Variants in EIPR1 observed in about 807,000 individuals in gnomAD.
EIPR1 encodes EARP complex and GARP complex interacting protein 1, also known as EARP and GARP complex-interacting protein 1.
In EIPR1, 25 loss-of-function variants were observed where a neutral mutation model predicts 48.1. The observed-to-expected ratio is 0.52, with a 90% confidence interval of 0.38 to 0.73. EIPR1 has a LOEUF of 0.73. Among genes scored for constraint, EIPR1 ranks in the 30% least tolerant of loss-of-function variants. EIPR1 has a pLI of 0.00. For synonymous variants in EIPR1, 204 were observed against 201.9 expected (o/e 1.01, Z -0.09); for missense variants, 415 against 506.2 (o/e 0.82, Z 1.73).
At chr2:3,200,888 G>A (rs556587465) in intron 5 of EIPR1, among the ~76,000 whole-genome samples, 19 of 152,242 alleles carry the variant, frequency 1.2e-4, no homozygotes, top group African/African-American at 3.6e-4. Flanking sequence ...CAGAGTGACC[G>A]AACCAGAAAG....
At chr2:3,367,093 T>C (rs185896764) in intron 1 of EIPR1, among the ~76,000 whole-genome samples, 199 of 140,058 alleles carry the variant, frequency 1.4e-3, no homozygotes, top group African/African-American at 4.9e-3. Flanking sequence ...GAAAATAAAT[T>C]CAACTGATGA....
intron 4 of EIPR1, among the ~76,000 whole-genome samples, chr2:3,218,703 G>T (rs542193967): frequency 6.7e-6 from 1 of 149,374 alleles, no homozygotes; most frequent in Non-Finnish European, 1.5e-5. Flanking sequence ...CACCCAACAC[G>T]GCCCTGATAC....
intron 3 of EIPR1, among the ~76,000 whole-genome samples, chr2:3,305,866 C>T (rs1393234074): frequency 6.6e-6 from 1 of 152,174 alleles, no homozygotes; most frequent in East Asian, 1.9e-4. Context: ...TTCATAGGCT[C>T]TGTTCTCCTT....
chr2:3,287,470 C>T (rs34094640), intron 3 of EIPR1, among the ~76,000 whole-genome samples: 2 of 149,738 alleles, frequency 1.3e-5, no homozygotes, highest in African/African-American at 5.0e-5. Context: ...CTCCAGAAAG[C>T]TCGTTCACCA....
At chr2:3,287,231 CAATCCA>C (rs1668216058) in intron 3 of EIPR1, among the ~76,000 whole-genome samples, 2 of 75,046 alleles carry the variant, frequency 2.7e-5, no homozygotes, top group Admixed American at 1.2e-4. Flanking sequence ...TCGTTCACCA[CAATCCA>C]GAAAGCTCGT....
intron 1 of EIPR1, among the ~76,000 whole-genome samples, chr2:3,365,980 C>T (rs112684026): frequency 1.4e-4 from 6 of 43,414 alleles, no homozygotes; most frequent in African/African-American, 3.1e-4. Context: ...GTCAGCCCCC[C>T]GCCCGGCCAG....
At chr2:3,252,607 AC>A (rs1667035115) in intron 4 of EIPR1, among the ~76,000 whole-genome samples, 1 of 152,100 alleles carries the variant, frequency 6.6e-6, no homozygotes, top group Admixed American at 6.6e-5. Flanking sequence ...AAAAACAAAA[AC>A]AAAAAATTGG....
chr2:3,269,599 A>AGTC (rs1553291883), intron 3 of EIPR1, among the ~76,000 whole-genome samples: 6 of 47,254 alleles, frequency 1.3e-4, no homozygotes, highest in South Asian at 2.4e-3. Flanking sequence ...CATCGCACTC[A>AGTC]ATCGCACTCA....
intron 4 of EIPR1, among the ~76,000 whole-genome samples, chr2:3,216,019 C>T (rs1665618709): frequency 6.6e-6 from 1 of 152,222 alleles, no homozygotes; most frequent in Non-Finnish European, 1.5e-5. Context: ...CCCACTGCTC[C>T]TGTCCAGTTA....
At chr2:3,303,431 G>A (rs1312792619) in intron 3 of EIPR1, among the ~76,000 whole-genome samples, 3 of 152,118 alleles carry the variant, frequency 2.0e-5, no homozygotes, top group East Asian at 1.9e-4. Context: ...GCCAGGGACC[G>A]ACCACCACCT....
intron 4 of EIPR1, among the ~76,000 whole-genome samples, chr2:3,242,536 C>T (rs1666669290): frequency 6.7e-6 from 1 of 150,368 alleles, no homozygotes; most frequent in African/African-American, 2.4e-5. Context: ...GGCTGGAAGA[C>T]AGAGATTTCA....
intron 3 of EIPR1, among the ~76,000 whole-genome samples, chr2:3,332,513 C>G (rs1294666121): frequency 6.6e-6 from 1 of 152,208 alleles, no homozygotes; most frequent in Admixed American, 6.5e-5. Context: ...GGCCTGCGTC[C>G]TCCTCGGAGG....
In EIPR1 at chr2:3,227,831, T is replaced by G. The variant is rs183005743; in HGVS notation, c.417-13583A>C. Among the ~76,000 whole-genome samples the G allele has an allele frequency of 3.1e-3, 473 of 152,346 alleles. 4 individuals are homozygous for G. Among genetic ancestry groups the G allele is most frequent in the Middle Eastern group, 0.017 (5 of 294 alleles). Reference sequence around the variant, plus strand: ...CCAAGGTATAGCTCAGGCCATTGCTTCAGAGGGTATAAGCCCCAAGCCTTG... The same window carrying G: ...CCAAGGTATAGCTCAGGCCATTGCTGCAGAGGGTATAAGCCCCAAGCCTTG... On this transcript the variant is annotated intron_variant, in intron 4 of 8. Coordinates refer to ENST00000382125, the MANE Select transcript of EIPR1 (RefSeq NM_003310.5).
At chr2:3,348,603 G>A (rs1327507487) in intron 2 of EIPR1, among the ~76,000 whole-genome samples, 1 of 152,214 alleles carries the variant, frequency 6.6e-6, no homozygotes, top group African/African-American at 2.4e-5. Flanking sequence ...TGTCCCACAG[G>A]AGGAAACAGA....
intron 4 of EIPR1, among the ~76,000 whole-genome samples, chr2:3,232,680 C>T (rs1344949163): frequency 2.0e-5 from 3 of 152,194 alleles, no homozygotes; most frequent in African/African-American, 7.2e-5. Context: ...GCATCACACT[C>T]ACTCTCCTCT....
chr2:3,327,488 C>T (rs4854119), intron 3 of EIPR1, among the ~76,000 whole-genome samples: 73,893 of 152,038 alleles, frequency 0.49, 20,148 homozygotes, highest in East Asian at 0.81. Context: ...TGGCCCTTTT[C>T]CATTTTTAAA....
chr2:3,362,164 A>G (rs4854181), intron 1 of EIPR1, among the ~76,000 whole-genome samples: 24,614 of 151,900 alleles, frequency 0.16, 2,222 homozygotes, highest in Non-Finnish European at 0.21. Context: ...CCCCAGTCCC[A>G]CCAGCCCCTT....
At chr2:3,199,349 T>C (rs914851096) in intron 5 of EIPR1, among the ~76,000 whole-genome samples, 2 of 152,120 alleles carry the variant, frequency 1.3e-5, no homozygotes, top group African/African-American at 4.8e-5. Flanking sequence ...TGAGGCAACA[T>C]ACATCCTCAG....
intron 3 of EIPR1, among the ~76,000 whole-genome samples, chr2:3,309,472 G>A (rs1449686314): frequency 6.6e-6 from 1 of 152,134 alleles, no homozygotes; most frequent in Non-Finnish European, 1.5e-5. Context: ...TAACAACATG[G>A]CGGAGTTAAG....
Sources: allele counts gnomAD v4.1 joint callset (sites outside exome capture counted in the v4.1 genomes callset), GRCh38; gene constraint gnomAD v4.1.1; transcripts MANE v1.5; gene names NCBI Gene and HGNC (gene_info 2026-07-23, HGNC 2026-07-21).